Variants in CCDC85A observed in about 807,000 individuals in gnomAD.
The protein encoded by CCDC85A is coiled-coil domain-containing protein 85A.
CCDC85A carries 38 observed loss-of-function variants against 50.2 expected under a neutral mutation model. That is an observed-to-expected ratio of 0.76 (90% CI 0.58 to 0.99). CCDC85A has a LOEUF of 0.99. Among genes scored for constraint, CCDC85A ranks in the 50% least tolerant of loss-of-function variants. CCDC85A has a pLI of 0.00. For missense variants in CCDC85A, 820 were observed against 742.0 expected (o/e 1.11, Z -1.22); for synonymous variants, 366 against 301.4 (o/e 1.21, Z -2.22).
At chr2:56,272,095 T>C (rs775445847) in intron 2 of CCDC85A, among the ~76,000 whole-genome samples, 3 of 152,192 alleles carry the variant, frequency 2.0e-5, no homozygotes, top group Non-Finnish European at 4.4e-5. Flanking sequence ...CAAATTTACT[T>C]CTTGTTTTTA....
intron 2 of CCDC85A, among the ~76,000 whole-genome samples, chr2:56,206,954 G>C (rs939868181): frequency 6.2e-5 from 6 of 96,102 alleles, no homozygotes; most frequent in African/African-American, 2.4e-4. Flanking sequence ...AGTCAATGAT[G>C]AAGGTGTACT....
intron 3 of CCDC85A, among the ~76,000 whole-genome samples, chr2:56,343,876 A>G (rs2104326236): frequency 6.6e-6 from 1 of 152,328 alleles, no homozygotes; most frequent in South Asian, 2.1e-4. Flanking sequence ...AGGAGAAGAA[A>G]TTTGAACATT....
chr2:56,259,998 G>C (rs957570456), intron 2 of CCDC85A, among the ~76,000 whole-genome samples: 1 of 152,128 alleles, frequency 6.6e-6, no homozygotes, highest in Admixed American at 6.6e-5. Context: ...CTAAAGTGTT[G>C]TCATATTTGA....
At chr2:56,286,743 T>C (rs1309270216) in intron 2 of CCDC85A, among the ~76,000 whole-genome samples, 1 of 152,236 alleles carries the variant, frequency 6.6e-6, no homozygotes, top group East Asian at 1.9e-4. Flanking sequence ...TTATGAGTCA[T>C]GTATTTCTAC....
intron 2 of CCDC85A, among the ~76,000 whole-genome samples, chr2:56,322,641 A>G (rs998275624): frequency 6.6e-6 from 1 of 152,144 alleles, no homozygotes; most frequent in Non-Finnish European, 1.5e-5. Flanking sequence ...AAGTCAGGAG[A>G]CAACAGGTGC....
chr2:56,275,562 T>C (rs1201440154), intron 2 of CCDC85A, among the ~76,000 whole-genome samples: 1 of 152,216 alleles, frequency 6.6e-6, no homozygotes, highest in Non-Finnish European at 1.5e-5. Context: ...CCACATTCTG[T>C]ATTTACATCA....
chr2:56,287,584 C>T (rs1368270720), intron 2 of CCDC85A, among the ~76,000 whole-genome samples: 1 of 152,134 alleles, frequency 6.6e-6, no homozygotes, highest in Non-Finnish European at 1.5e-5. Flanking sequence ...GTTGAAGTCA[C>T]ATTCTTTGTG....
chr2:56,220,493 A>G (rs1349050637), intron 2 of CCDC85A, among the ~76,000 whole-genome samples: 1 of 152,078 alleles, frequency 6.6e-6, no homozygotes, highest in Non-Finnish European at 1.5e-5. Context: ...GATTCTGAAG[A>G]AAGACAATTG....
At chr2:56,293,809 A>T (rs6732270) in intron 2 of CCDC85A, among the ~76,000 whole-genome samples, 25,384 of 152,154 alleles carry the variant, frequency 0.17, 2,743 homozygotes, top group African/African-American at 0.29. Context: ...AAAACAACAG[A>T]TGCTGGTGAG....
chr2:56,186,269 G>A (rs1676042710), intron 1 of CCDC85A, among the ~76,000 whole-genome samples: 2 of 152,318 alleles, frequency 1.3e-5, no homozygotes, highest in East Asian at 3.9e-4. Context: ...GGGGAATAGA[G>A]GCAGGCTAGT....
At chr2:56,217,695 T>A (rs1001758507) in intron 2 of CCDC85A, among the ~76,000 whole-genome samples, 2 of 151,870 alleles carry the variant, frequency 1.3e-5, no homozygotes, top group African/African-American at 4.8e-5. Flanking sequence ...TTTTTCTATA[T>A]GCAATAAAAG....
chr2:56,350,014 TGGAAAG>T (rs1674832769), intron 3 of CCDC85A, among the ~76,000 whole-genome samples: 1 of 150,444 alleles, frequency 6.6e-6, no homozygotes, highest in South Asian at 2.1e-4. Flanking sequence ...GGAAAAAAAA[TGGAAAG>T]GGAATTATAA....
intron 2 of CCDC85A, among the ~76,000 whole-genome samples, chr2:56,335,352 T>C (rs753979232): frequency 1.3e-5 from 2 of 152,192 alleles, no homozygotes; most frequent in Non-Finnish European, 2.9e-5. Context: ...TTGGGGTTTA[T>C]TGAAAAGTTT....
In CCDC85A at chr2:56,193,055, G is replaced by C; in HGVS notation, c.855G>C (p.Leu285Phe). The stretch of plus-strand genomic sequence containing the variant: ...CTAGCCCGGAGCACCACAAACCCTT[G>C]TGCAAGGGCAGCCCCGAACAGCAAA... ...KGPSPEHHKPLCKGSPEQQRH... is the reference protein window; with the variant it reads ...KGPSPEHHKPFCKGSPEQQRH... Residue 285 changes from leucine (L) to phenylalanine (F), a missense_variant, in exon 2 of 6, where the codon TTG becomes TTC. Physicochemically the swap from Leu to Phe is conservative, Grantham distance 22. Coordinates refer to ENST00000407595, the MANE Select transcript of CCDC85A (RefSeq NM_001080433.2). 1 of 1,613,038 alleles carries C rather than the reference G, an allele frequency of 6.2e-7. No individual in the cohort carries two copies. Among genetic ancestry groups the C allele is most frequent in the Non-Finnish European group, 8.5e-7 (1 of 1,179,632 alleles).
intron 3 of CCDC85A, among the ~76,000 whole-genome samples, chr2:56,350,991 A>G (rs1232642479): frequency 1.7e-5 from 2 of 116,608 alleles, no homozygotes; most frequent in Non-Finnish European, 3.5e-5. Flanking sequence ...TCCTAAAGCT[A>G]TCCCTCCCCC....
chr2:56,264,745 A>G (rs1253826786), intron 2 of CCDC85A, among the ~76,000 whole-genome samples: 2 of 152,102 alleles, frequency 1.3e-5, no homozygotes, highest in Non-Finnish European at 2.9e-5. Context: ...GTAGGACTTA[A>G]AAGACAGGCC....
chr2:56,366,155 C>T (rs1558661304), intron 3 of CCDC85A, among the ~76,000 whole-genome samples: 2 of 152,106 alleles, frequency 1.3e-5, no homozygotes, highest in Admixed American at 6.5e-5. Flanking sequence ...TTTATTCATC[C>T]ATTCATGGAC....
At chr2:56,364,538 C>T (rs1451312031) in intron 3 of CCDC85A, among the ~76,000 whole-genome samples, 1 of 152,192 alleles carries the variant, frequency 6.6e-6, no homozygotes, top group South Asian at 2.1e-4. Context: ...CAGGAGAAAA[C>T]CTTTTGGAGG....
At chr2:56,262,968 G>A (rs1396105773) in intron 2 of CCDC85A, among the ~76,000 whole-genome samples, 1 of 152,068 alleles carries the variant, frequency 6.6e-6, no homozygotes, top group Admixed American at 6.5e-5. Flanking sequence ...GTGCCACAGA[G>A]AACATTTTTT....
Sources: gnomAD v4.1 joint callset for allele counts (sites outside exome capture counted in the v4.1 genomes callset) on GRCh38, gnomAD v4.1.1 for gene constraint, MANE v1.5 for transcripts, NCBI Gene and HGNC (gene_info 2026-07-23, HGNC 2026-07-21) for gene names.